Variants in USP37 observed in about 807,000 individuals in gnomAD.
USP37 encodes ubiquitin carboxyl-terminal hydrolase 37.
A neutral mutation model predicts 124.0 loss-of-function variants in USP37; 27 were observed. That is an observed-to-expected ratio of 0.22 (90% confidence interval 0.16 to 0.30). USP37 has a LOEUF of 0.30. Ranked by LOEUF, USP37 falls within the 10% of genes least tolerant of loss-of-function variation. The pLI is 1.00. For missense variants in USP37, 889 were observed against 1,140.4 expected (o/e 0.78, Z 3.17); for synonymous variants, 365 against 388.0 (o/e 0.94, Z 0.70).
intron 22 of USP37, among the ~76,000 whole-genome samples, chr2:218,460,875 A>C (rs1341045091): frequency 6.6e-6 from 1 of 152,080 alleles, no homozygotes. Context: ...CGGGAGGCGG[A>C]GGTTGCAGTG....
At chr2:218,467,310 A>AATGTAT (rs1227425465) in intron 20 of USP37, among the ~76,000 whole-genome samples, 1 of 122,714 alleles carries the variant, frequency 8.1e-6, no homozygotes, top group Non-Finnish European at 1.7e-5. Context: ...ATGCCCAGCT[A>AATGTAT]ATCTATATCT....
chr2:218,454,026 T>C lies in USP37; in HGVS notation c.*904A>G, dbSNP rs1272815503. The C allele has an allele frequency of 6.6e-6, 1 of 152,434 alleles. No homozygotes were observed. 9.4% of individuals were successfully genotyped at this position (152,434 alleles called of 1,614,324 possible). ...AATTGGAGAAATATTATCTTTCTACTTGTTTAAAGTTTTGGTTGCAATCCA... is the reference window on the plus strand; with the variant it reads ...AATTGGAGAAATATTATCTTTCTACCTGTTTAAAGTTTTGGTTGCAATCCA... On this transcript the variant is annotated 3_prime_UTR_variant, in exon 26 of 26. Transcript: ENST00000258399.
chr2:218,510,238 A>G (rs901589958), intron 10 of USP37, 98 bp from the exon 11 acceptor site: 2 of 1,334,576 alleles, frequency 1.5e-6, no homozygotes, highest in Admixed American at 5.1e-5. Context: ...AAGGAAAAAA[A>G]TCTTGAATTT....
rs776451800 is a variant in USP37 at position 218,558,566 on chromosome 2, C to T, written c.88G>A (p.Val30Ile). 1 of 1,613,538 alleles carries T rather than the reference C, an allele frequency of 6.2e-7. No homozygotes were observed. Among genetic ancestry groups the T allele is most frequent in the Admixed American group, 1.7e-5 (1 of 60,000 alleles). Residue 30 changes from valine (V) to isoleucine (I), a missense_variant, in exon 4 of 26, where the codon GTA (valine) becomes ATA (isoleucine). Val to Ile is a conservative substitution (Grantham distance 29, BLOSUM62 3). Coordinates refer to ENST00000258399, the MANE Select transcript of USP37 (RefSeq NM_020935.3). ...TKWKEGSFEIVEKENKVSLVV... is the reference protein window; with the variant it reads ...TKWKEGSFEIIEKENKVSLVV... ...AGGCTGACTTTATTCTCTTTTTCTACAATTTCAAAGGATCCTTCTTTCCAC... is the reference window on the plus strand; with the variant it reads ...AGGCTGACTTTATTCTCTTTTTCTATAATTTCAAAGGATCCTTCTTTCCAC...
chr2:218,534,431 G>A (rs972046638), intron 9 of USP37, among the ~76,000 whole-genome samples, 178 bp downstream of exon 9: 8 of 152,186 alleles, frequency 5.3e-5, no homozygotes, highest in Admixed American at 2.0e-4. Context: ...AGAGGTTGCA[G>A]TGAGCCGATA....
chr2:218,561,820 A>G (rs958260833), intron 2 of USP37, among the ~76,000 whole-genome samples: 11 of 152,194 alleles, frequency 7.2e-5, no homozygotes, highest in Non-Finnish European at 1.5e-4. Context: ...TTCAGGACTC[A>G]GGCCCTGCTT....
intron 10 of USP37, among the ~76,000 whole-genome samples, chr2:218,527,937 TCACACCTG>T (rs1691073137): frequency 6.6e-6 from 1 of 152,206 alleles, no homozygotes; most frequent in Non-Finnish European, 1.5e-5. Flanking sequence ...GCGCGGTCAC[TCACACCTG>T]TAATCCCAGT....
chr2:218,468,061 A>G (rs540553075), intron 20 of USP37, among the ~76,000 whole-genome samples: 1 of 143,130 alleles, frequency 7.0e-6, no homozygotes. Context: ...CTAATTTTTT[A>G]TATTTTTGGT....
chr2:218,450,977 G>A lies in USP37; in HGVS notation c.*3953C>T, dbSNP rs1229399727. 1 of 152,160 alleles carries A rather than the reference G, an allele frequency of 6.6e-6. No individual in the cohort carries two copies. The highest frequency in any genetic ancestry group is 1.9e-4 in the East Asian group (1 of 5,206). 9.4% of individuals were successfully genotyped at this position (152,160 alleles called of 1,614,324 possible). On this transcript the variant is annotated 3_prime_UTR_variant, in exon 26 of 26. Coordinates refer to ENST00000258399, the MANE Select transcript of USP37 (RefSeq NM_020935.3). ...GCCTGAAGTCTAGTAATCAAAGCAT[G>A]CCATAAGGTGAATGATTGTGGTTAA...
intron 8 of USP37, among the ~76,000 whole-genome samples, chr2:218,545,544 T>G (rs1692273934): frequency 6.6e-6 from 1 of 152,186 alleles, no homozygotes; most frequent in Non-Finnish European, 1.5e-5. Context: ...TACATAAAGT[T>G]TCTTTGGCTT....
rs567566261 is a variant in USP37, at chr2:218,527,030, C to G, written c.863+2926G>C. ...GTCTCGATCTCCCGACCTCGTGATCCACCCGCCTCGGCCTCCCAAAGTGCT... is the reference window on the plus strand; with the variant it reads ...GTCTCGATCTCCCGACCTCGTGATCGACCCGCCTCGGCCTCCCAAAGTGCT... On this transcript the variant is annotated intron_variant, in intron 10 of 25. Transcript: ENST00000258399. Among the ~76,000 whole-genome samples the G allele has an allele frequency of 3.1e-4, 47 of 152,144 alleles. 1 individual carries two copies. The East Asian group carries it at 8.9e-3, about 29-fold the overall frequency.
intron 10 of USP37, among the ~76,000 whole-genome samples, chr2:218,524,394 C>T (rs1690835772): frequency 6.6e-6 from 1 of 152,130 alleles, no homozygotes; most frequent in South Asian, 2.1e-4. Flanking sequence ...ACCACTGCTC[C>T]ACTCCCAGCC....
chr2:218,465,983 G>A, intron 21 of USP37, 27 bp downstream of exon 21: 1 of 1,597,692 alleles, frequency 6.3e-7, no homozygotes, highest in Non-Finnish European at 8.5e-7. Context: ...TAAGTACAGA[G>A]AAAGTAGCAA....
At chr2:218,462,118 T>C (rs1393676854) in intron 22 of USP37, among the ~76,000 whole-genome samples, 4 of 151,884 alleles carry the variant, frequency 2.6e-5, no homozygotes, top group Middle Eastern at 6.8e-3. Context: ...GATTGTGCCA[T>C]TGCACTCCAG....
chr2:218,474,518 T>C (rs1007397078), intron 20 of USP37, 112 bp downstream of exon 20: 2 of 1,455,510 alleles, frequency 1.4e-6, no homozygotes, highest in Non-Finnish European at 1.9e-6. Flanking sequence ...CACACCACCA[T>C]GCTCAGCTAA....
At position 218,451,298 on chromosome 2, in the gene USP37, A is replaced by G. The variant is rs958968354; in HGVS notation, c.*3632T>C. ...GTGTTAGGTTGTTGATTTTTCTAAA[A>G]ATCTCCTATATATACAAAATCCATA... On this transcript the variant is annotated 3_prime_UTR_variant, in exon 26 of 26. Coordinates refer to ENST00000258399, the MANE Select transcript of USP37 (RefSeq NM_020935.3). 2 of 152,218 alleles carry G rather than the reference A, an allele frequency of 1.3e-5. No individual in the cohort carries two copies. Among genetic ancestry groups the G allele is most frequent in the Middle Eastern group, 3.4e-3 (1 of 292 alleles). The allele number at this position is 152,218 out of a possible 1,614,324, so 9.4% of individuals were successfully genotyped here. A position where few individuals can be genotyped will look rare whatever the true frequency, so the allele number is the denominator to read the frequency against.
chr2:218,471,276 T>C (rs536017348), intron 20 of USP37, among the ~76,000 whole-genome samples: 25 of 152,292 alleles, frequency 1.6e-4, no homozygotes, highest in African/African-American at 5.5e-4. Flanking sequence ...CAGATTATAT[T>C]TGATGATCTA....
At position 218,476,847 on chromosome 2, in the gene USP37, A is replaced by C; in HGVS notation, c.2036T>G (p.Leu679Arg). Residue 679 changes from leucine to arginine, a missense_variant, in exon 19 of 26, where the codon CTG becomes CGG. By Grantham distance (102) the Leu-to-Arg change is moderately radical. Transcript: ENST00000258399. ...TAAGAAAATATTACTTACTTTTTCC[A>C]GGTCTTCCTGCTGCTGTTCGTTGCC... ...MLGNEQQQED[L>R]EKDSKLCPIE... The C allele has an allele frequency of 6.3e-7, 1 of 1,591,664 alleles. No individual in the cohort carries two copies. Among genetic ancestry groups the C allele is most frequent in the Non-Finnish European group, 8.5e-7 (1 of 1,173,348 alleles).
chr2:218,561,405 C>A (rs547774557), intron 2 of USP37, among the ~76,000 whole-genome samples: 27 of 152,148 alleles, frequency 1.8e-4, no homozygotes, highest in Non-Finnish European at 2.6e-4. Context: ...TGCCTGTAAT[C>A]CCAGCACTTT....
Sources: gnomAD v4.1 joint callset for allele counts (sites outside exome capture counted in the v4.1 genomes callset) on GRCh38, gnomAD v4.1.1 for gene constraint, MANE v1.5 for transcripts, NCBI Gene and HGNC (gene_info 2026-07-23, HGNC 2026-07-21) for gene names.